The following PRKCH variants were observed in gnomAD, a reference collection of about 807,000 sequenced individuals.
PRKCH encodes the protein protein kinase C eta type.
Under a neutral mutation model 82.5 loss-of-function variants are expected in PRKCH, and 28 were observed. The ratio of observed to expected loss-of-function variants is 0.34; its 90% CI spans 0.25 to 0.47. The LOEUF is 0.47. PRKCH is among the 20% of genes least tolerant of loss of function. The pLI, the probability that PRKCH is intolerant of heterozygous loss-of-function variation, is 1.00. For missense variants in PRKCH, 705 were observed against 881.8 expected, an observed-to-expected ratio of 0.80 and a Z score of 2.54; for synonymous variants, 322 against 327.4, an observed-to-expected ratio of 0.98 and a Z score of 0.18.
chr14:61,407,674 T>G (rs1403857636), intron 2 of PRKCH, among the ~76,000 whole-genome samples: 1 of 152,180 alleles, frequency 6.6e-6, no homozygotes, highest in East Asian at 1.9e-4. Flanking sequence ...CATTTGAGAC[T>G]TTTAATTCCT....
intron 1 of PRKCH, among the ~76,000 whole-genome samples, chr14:61,380,677 A>G (rs893602368): frequency 1.3e-5 from 2 of 152,196 alleles, no homozygotes; most frequent in South Asian, 2.1e-4. Context: ...TGAAGATCCT[A>G]AGGCATCCTT....
rs532074464 is a variant in PRKCH at position 61,220,931 on chromosome 14, C to T, written c.-19+33263C>T. 2.6e-5 allele frequency among the ~76,000 whole-genome samples: 4 copies of T among 151,894 alleles called. No homozygotes were observed. The South Asian group carries it at 6.3e-4, about 24-fold the overall frequency. On this transcript the variant is annotated intron_variant, in intron 1 of 3. Coordinates refer to the PRKCH transcript ENST00000555185. ...AGACAGCCCACGTTCTGGTAAGTCT[C>T]GGGAAAGGGGAAGGGTTGGCAGAAT...
At chr14:61,365,663 G>A (rs1342988376) in intron 1 of PRKCH, among the ~76,000 whole-genome samples, 2 of 151,876 alleles carry the variant, frequency 1.3e-5, no homozygotes, top group African/African-American at 4.8e-5. Flanking sequence ...GTCTTCCAAG[G>A]TGAGAAAAAA....
At chr14:61,547,932 C>T in intron 13 of PRKCH, 46 bp downstream of exon 13, 1 of 1,592,848 alleles carries the variant, frequency 6.3e-7, no homozygotes, top group Non-Finnish European at 8.6e-7. Flanking sequence ...CTTCAGATGT[C>T]ACAGCATTCC....
chr14:61,449,061 G>A lies in PRKCH; in HGVS notation c.614-103G>A, dbSNP rs79048600. The A allele has an allele frequency of 9.5e-3, 9,658 of 1,019,258 alleles. 76 individuals carry two copies. The highest frequency in any genetic ancestry group is 0.012 in the Non-Finnish European group (7,914 of 661,986). The allele number at this position is 1,019,258 out of a possible 1,614,324, so 63.1% of individuals were successfully genotyped here. On this transcript the variant is annotated intron_variant, in intron 4 of 13. Transcript: ENST00000332981. ...CCAGCTGCTGTCAAGGGGGCCAGAC[G>A]AGTCCAGTCTTGTTGGCACGGTGCA...
chr14:61,441,071 A>T (rs985170478), intron 2 of PRKCH, among the ~76,000 whole-genome samples: 7 of 134,010 alleles, frequency 5.2e-5, no homozygotes, highest in Non-Finnish European at 8.0e-5. Flanking sequence ...TTTTTTTAAA[A>T]TTTTTTTTGG....
intron 2 of PRKCH, among the ~76,000 whole-genome samples, chr14:61,422,886 C>T (rs1479909092): frequency 6.6e-6 from 1 of 152,148 alleles, no homozygotes; most frequent in Non-Finnish European, 1.5e-5. Flanking sequence ...TATGCACACA[C>T]CCCCACATAC....
At chr14:61,272,921 G>T (rs1171850751) in intron 1 of PRKCH, among the ~76,000 whole-genome samples, 1 of 152,156 alleles carries the variant, frequency 6.6e-6, no homozygotes, top group Non-Finnish European at 1.5e-5. Context: ...CTGCTTTACT[G>T]GCTGAGGGCA....
chr14:61,400,484 C>T (rs1036441713), intron 2 of PRKCH, among the ~76,000 whole-genome samples: 28 of 152,038 alleles, frequency 1.8e-4, no homozygotes, highest in Non-Finnish European at 1.8e-4. Context: ...AGGTTGAAGA[C>T]AGGGTAGGAG....
At chr14:61,493,872 A>G (rs1210461002) in intron 10 of PRKCH, among the ~76,000 whole-genome samples, 1 of 151,688 alleles carries the variant, frequency 6.6e-6, no homozygotes, top group Non-Finnish European at 1.5e-5. Context: ...AGAAAGGCAT[A>G]AGAGATAATA....
chr14:61,536,253 A>G (rs2043107635), intron 12 of PRKCH, among the ~76,000 whole-genome samples: 1 of 152,244 alleles, frequency 6.6e-6, no homozygotes, highest in Non-Finnish European at 1.5e-5. Flanking sequence ...CCTGAAGAGT[A>G]TCTATGCCTT....
At chr14:61,434,751 G>C (rs1001095413) in intron 2 of PRKCH, among the ~76,000 whole-genome samples, 1 of 152,138 alleles carries the variant, frequency 6.6e-6, no homozygotes, top group African/African-American at 2.4e-5. Flanking sequence ...GCTGGGCAGA[G>C]TGGCTCATGC....
chr14:61,364,311 AGGAAATG>A (rs2046270783), intron 1 of PRKCH, among the ~76,000 whole-genome samples: 1 of 151,922 alleles, frequency 6.6e-6, no homozygotes. Flanking sequence ...CAGTCACTGA[AGGAAATG>A]GGAGATGAGA....
At chr14:61,206,505 G>C (rs1008579883) in intron 1 of PRKCH, among the ~76,000 whole-genome samples, 2 of 152,134 alleles carry the variant, frequency 1.3e-5, no homozygotes, top group African/African-American at 4.8e-5. Context: ...CTCCAAATAA[G>C]GTCACATTTT....
chr14:61,372,904 T>TA (rs891907860), intron 1 of PRKCH, among the ~76,000 whole-genome samples: 7 of 151,900 alleles, frequency 4.6e-5, no homozygotes, highest in Non-Finnish European at 1.5e-5. Flanking sequence ...TTCACTGCCC[T>TA]AAAAAAAATT....
intron 1 of PRKCH, among the ~76,000 whole-genome samples, chr14:61,241,164 G>A (rs1465680801): frequency 6.6e-6 from 1 of 152,092 alleles, no homozygotes; most frequent in African/African-American, 2.4e-5. Context: ...TACATTTACT[G>A]GTTTATTATA....
intron 10 of PRKCH, among the ~76,000 whole-genome samples, chr14:61,507,652 A>C (rs1034306306): frequency 6.6e-6 from 1 of 152,204 alleles, no homozygotes; most frequent in Non-Finnish European, 1.5e-5. Flanking sequence ...AGATTATGCC[A>C]AATGAAATAA....
intron 1 of PRKCH, among the ~76,000 whole-genome samples, chr14:61,289,841 A>G (rs2140097954): frequency 6.6e-6 from 1 of 152,352 alleles, no homozygotes; most frequent in South Asian, 2.1e-4. Flanking sequence ...CTGGTTTGTG[A>G]AGCACCTGCC....
At chr14:61,391,695 G>A (rs1056318430) in intron 2 of PRKCH, among the ~76,000 whole-genome samples, 2 of 152,116 alleles carry the variant, frequency 1.3e-5, no homozygotes, top group African/African-American at 4.8e-5. Flanking sequence ...TATCTCATTT[G>A]TGACCTGTAA....
Sources: allele counts gnomAD v4.1 joint callset (sites outside exome capture counted in the v4.1 genomes callset), GRCh38; gene constraint gnomAD v4.1.1; transcripts MANE v1.5; gene names NCBI Gene and HGNC (gene_info 2026-07-23, HGNC 2026-07-21).